ARAP2: variants seen among roughly 807,000 people sequenced by gnomAD.
The protein encoded by ARAP2 is ArfGAP with RhoGAP domain, ankyrin repeat and PH domain 2.
ARAP2 carries 148 observed loss-of-function variants against 194.5 expected under a neutral mutation model. The ratio of observed to expected loss-of-function variants is 0.76; its 90% CI spans 0.67 to 0.87. The LOEUF is 0.87. Among genes scored for constraint, ARAP2 ranks in the 40% least tolerant of loss-of-function variants. The pLI, the probability that ARAP2 is intolerant of heterozygous loss-of-function variation, is 0.00. For missense variants in ARAP2, 2,128 were observed against 1,989.7 expected (o/e 1.07, Z -1.32); for synonymous variants, 695 against 683.5 (o/e 1.02, Z -0.26).
chr4:36,104,456 T>C (rs1234140356), intron 27 of ARAP2, among the ~76,000 whole-genome samples: 4 of 151,936 alleles, frequency 2.6e-5, no homozygotes, highest in East Asian at 3.9e-4. Context: ...CTGGAGTAGG[T>C]AGTCGTTGTG....
At chr4:36,152,650 GC>G (rs1274469791) in intron 15 of ARAP2, among the ~76,000 whole-genome samples, 9 of 144,518 alleles carry the variant, frequency 6.2e-5, no homozygotes, top group Non-Finnish European at 3.0e-5. Context: ...AAGGAGGTAA[GC>G]CCCCCCACCA....
chr4:36,174,851 G>T (rs1279543406), intron 9 of ARAP2, among the ~76,000 whole-genome samples: 1 of 152,074 alleles, frequency 6.6e-6, no homozygotes, highest in Non-Finnish European at 1.5e-5. Flanking sequence ...AATCTTCTTT[G>T]CAATAAATGA....
chr4:36,081,258 A>G (rs1398684970), intron 30 of ARAP2, among the ~76,000 whole-genome samples: 1 of 152,140 alleles, frequency 6.6e-6, no homozygotes, highest in African/African-American at 2.4e-5. Flanking sequence ...GAGCTATTAG[A>G]TAAGGCTTTG....
chr4:36,043,801 A>C, intron 5 of ARAP2, among the ~76,000 whole-genome samples: 1 of 52,884 alleles, frequency 1.9e-5, no homozygotes. Flanking sequence ...AAGAGAAGGG[A>C]AGGGAAGGGA....
rs186993295 is a variant in ARAP2 at position 36,010,021 on chromosome 4, G to C, written n.1325+2542C>G. Among the ~76,000 whole-genome samples the C allele has an allele frequency of 1.8e-3, 274 of 151,968 alleles. 1 individual carries two copies. The highest frequency in any genetic ancestry group is 6.4e-3 in the African/African-American group (264 of 41,434). On this transcript the variant is annotated intron_variant and non_coding_transcript_variant, in intron 9 of 12. Transcript: ENST00000503225. ...GTTGCTAACATCACATAGGTCCTCAGTTGTATACTGTACTCAAAAGTTCTT... is the reference window on the plus strand; with the variant it reads ...GTTGCTAACATCACATAGGTCCTCACTTGTATACTGTACTCAAAAGTTCTT...
chr4:36,068,438 T>A (rs570063506), intron 32 of ARAP2, among the ~76,000 whole-genome samples, 160 bp from the exon 33 acceptor site: 1 of 152,268 alleles, frequency 6.6e-6, no homozygotes, highest in African/African-American at 2.4e-5. Flanking sequence ...TCTGAATTTA[T>A]ATACTAATCT....
intron 14 of ARAP2, 62 bp from the exon 15 acceptor site, chr4:36,158,926 TATA>T (rs1733250241): frequency 2.0e-6 from 3 of 1,471,712 alleles, no homozygotes; most frequent in Admixed American, 2.3e-5. Context: ...TCCTTTTGTT[TATA>T]ATATGTACAT....
chr4:36,197,314 G>A (rs993808754), intron 6 of ARAP2, among the ~76,000 whole-genome samples: 7 of 152,082 alleles, frequency 4.6e-5, no homozygotes, highest in African/African-American at 1.2e-4. Flanking sequence ...AGTTCCTCAC[G>A]TACAGCGAAG....
chr4:36,014,737 C>G (rs925954334), intron 8 of ARAP2, among the ~76,000 whole-genome samples: 2 of 152,132 alleles, frequency 1.3e-5, no homozygotes, highest in African/African-American at 4.8e-5. Flanking sequence ...TAAGCCCCAA[C>G]TTCCCAAAGT....
intron 19 of ARAP2, among the ~76,000 whole-genome samples, chr4:36,143,433 TA>T (rs1578052252): frequency 6.6e-6 from 1 of 151,700 alleles, no homozygotes; most frequent in East Asian, 1.9e-4. Context: ...TCTACAAAGG[TA>T]TTGGTAAATT....
At chr4:36,031,594 A>G (rs1718961565) in intron 5 of ARAP2, among the ~76,000 whole-genome samples, 1 of 152,188 alleles carries the variant, frequency 6.6e-6, no homozygotes, top group Admixed American at 6.5e-5. Flanking sequence ...CATATGTGGT[A>G]AATAGAAAGG....
At chr4:36,078,754 G>A (rs1394724644) in intron 31 of ARAP2, among the ~76,000 whole-genome samples, 3 of 152,106 alleles carry the variant, frequency 2.0e-5, no homozygotes, top group African/African-American at 4.8e-5. Context: ...AGAGTCTACT[G>A]ACTCCAATTA....
chr4:36,236,347 C>T, intron 1 of ARAP2, among the ~76,000 whole-genome samples: 1 of 152,044 alleles, frequency 6.6e-6, no homozygotes, highest in Non-Finnish European at 1.5e-5. Flanking sequence ...AACTGAAAAC[C>T]ATGGGTTACT....
chr4:36,091,148 T>C (rs1231688637), intron 28 of ARAP2, among the ~76,000 whole-genome samples: 6 of 152,062 alleles, frequency 3.9e-5, no homozygotes, highest in African/African-American at 1.4e-4. Context: ...ATAAAAAAAA[T>C]CATATATTAT....
In ARAP2 at chr4:36,177,770, CAT is replaced by C. The variant is rs762515068; in HGVS notation, c.1857+55_1857+56del. ...TCACTAATAATCCTTCCAAACAAAA[CAT>C]AGTTGTTACTATAATAAAATAGCAG... On this transcript the variant is annotated intron_variant, in intron 9 of 32. Coordinates refer to ENST00000303965, the MANE Select transcript of ARAP2 (RefSeq NM_015230.4). 86 of 1,463,086 alleles carry C rather than the reference CAT, an allele frequency of 5.9e-5. No individual in the cohort carries two copies. In the Admixed American group the frequency reaches 9.1e-4, roughly 15 times the overall value. 90.6% of individuals were successfully genotyped at this position (1,463,086 alleles called of 1,614,324 possible).
At chr4:36,193,781 A>T in intron 6 of ARAP2, 134 bp from the exon 7 acceptor site, 1 of 642,312 alleles carries the variant, frequency 1.6e-6, no homozygotes, top group Non-Finnish European at 2.5e-6. Flanking sequence ...GGCTATGATA[A>T]TACACAGTTT....
chr4:36,080,099 C>T, intron 31 of ARAP2, 117 bp downstream of exon 31: 3 of 736,960 alleles, frequency 4.1e-6, no homozygotes, highest in Non-Finnish European at 6.5e-6. Flanking sequence ...AAGTTTATGC[C>T]AATTGTACAT....
intron 6 of ARAP2, chr4:36,209,389 C>A: frequency 2.2e-6 from 1 of 453,966 alleles, no homozygotes; most frequent in South Asian, 1.6e-5. Context: ...AAGTAATCTG[C>A]TTTGGTTTAT....
Position 36,094,039 on chromosome 4 carries a change from T to C in ARAP2, c.4286-2019A>G, listed in dbSNP as rs142441741. 2.2e-4 allele frequency among the ~76,000 whole-genome samples: 33 copies of C among 152,308 alleles called. No individual in the cohort carries two copies. In the East Asian group the frequency reaches 5.0e-3, roughly 23 times the overall value. On this transcript the variant is annotated intron_variant, in intron 27 of 32. Coordinates refer to ENST00000303965, the MANE Select transcript of ARAP2 (RefSeq NM_015230.4). The stretch of plus-strand genomic sequence containing the variant: ...TTTCCTACTATTATGATGGGTCTAA[T>C]GGACATTGACTAATAAGCCAGAATT...
Sources: gnomAD v4.1 joint callset for allele counts (sites outside exome capture counted in the v4.1 genomes callset) on GRCh38, gnomAD v4.1.1 for gene constraint, MANE v1.5 for transcripts, NCBI Gene and HGNC (gene_info 2026-07-23, HGNC 2026-07-21) for gene names.